ZCCHC8: variants seen among roughly 807,000 people sequenced by gnomAD.
ZCCHC8 encodes the protein zinc finger CCHC domain-containing protein 8.
ZCCHC8 carries 27 observed loss-of-function variants against 70.6 expected under a neutral mutation model. The observed-to-expected ratio is 0.38, with a 90% confidence interval of 0.28 to 0.53. ZCCHC8 has a LOEUF of 0.53. ZCCHC8 is among the 20% of genes least tolerant of loss of function. ZCCHC8 has a pLI of 0.81. For synonymous variants in ZCCHC8, 293 were observed against 317.4 expected, an observed-to-expected ratio of 0.92 and a Z score of 0.82; for missense variants, 737 against 876.9, an observed-to-expected ratio of 0.84 and a Z score of 2.01.
Position 122,481,604 on chromosome 12 carries a change from C to G in ZCCHC8, c.936G>C (p.Arg312=), listed in dbSNP as rs772906844. Residue 312 remains arginine, a synonymous_variant, in exon 10 of 14, where the codon CGG becomes CGC. Transcript: ENST00000633063. The part of the protein sequence containing the change: ...TDKSLPPFIY[R]MRQLGYPPGW... ...CTGGTGGGTACCCTAGCTGGCGCAT[C>G]CGATAGATAAAAGGTGGAAGACTCT... 60 of 1,613,796 alleles carry G rather than the reference C, an allele frequency of 3.7e-5. No homozygotes were observed. The Middle Eastern group carries it at 6.6e-4, about 18-fold the overall frequency.
At chr12:122,486,797 T>C (rs1273526292) in intron 5 of ZCCHC8, among the ~76,000 whole-genome samples, 1 of 152,190 alleles carries the variant, frequency 6.6e-6, no homozygotes, top group Non-Finnish European at 1.5e-5. Context: ...CTCCAACTCC[T>C]GACCTCAGGT....
intron 5 of ZCCHC8, among the ~76,000 whole-genome samples, chr12:122,488,930 T>C (rs1957693689): frequency 6.6e-6 from 1 of 151,664 alleles, no homozygotes. Flanking sequence ...GTATTAACAC[T>C]AACGAATTTT....
chr12:122,490,806 G>C, intron 3 of ZCCHC8: 1 of 313,012 alleles, frequency 3.2e-6, no homozygotes, highest in East Asian at 5.2e-5. Flanking sequence ...CTGCCAACCA[G>C]TTGTGCAAAG....
intron 11 of ZCCHC8, among the ~76,000 whole-genome samples, chr12:122,479,489 A>G (rs1957487825): frequency 6.6e-6 from 1 of 152,248 alleles, no homozygotes; most frequent in African/African-American, 2.4e-5. Flanking sequence ...AAAAAATGAG[A>G]AATTTTACTT....
rs764267873 is a variant in ZCCHC8, at chr12:122,489,407, T to C, written c.480A>G (p.Lys160=). ...TTACACTGAAAGCTTCCTTGTTGTT[T>C]TTAATGGCACAGGACTCTTCCACTT... ...DHKVEESCAI[K]NNKEAFSVVG... Residue 160 remains lysine (K), a synonymous_variant, in exon 5 of 14, where the codon AAA becomes AAG. Coordinates refer to ENST00000633063, the MANE Select transcript of ZCCHC8 (RefSeq NM_017612.5). The C allele has an allele frequency of 6.2e-7, 1 of 1,613,764 alleles. No homozygotes were observed. The highest frequency in any genetic ancestry group is 1.1e-5 in the South Asian group (1 of 91,040).
At position 122,481,853 on chromosome 12, in the gene ZCCHC8, C is replaced by G. The variant is rs565145884; in HGVS notation, c.875+92G>C. Reference sequence around the variant, plus strand: ...TTACCTAGGGCTTTGCCAGAGTACACTTATATCCTGATAATTAGCCCAAAG... The same window carrying G: ...TTACCTAGGGCTTTGCCAGAGTACAGTTATATCCTGATAATTAGCCCAAAG... On this transcript the variant is annotated intron_variant, in intron 9 of 13. Transcript: ENST00000633063. 1.9e-5 allele frequency: 28 copies of G among 1,493,822 alleles called. No homozygotes were observed. In the Middle Eastern group the frequency reaches 1.1e-3, roughly 56 times the overall value. The allele number at this position is 1,493,822 out of a possible 1,614,324, so 92.5% of individuals were successfully genotyped here.
At chr12:122,486,438 AGTC>A (rs1264213099) in intron 5 of ZCCHC8, among the ~76,000 whole-genome samples, 2 of 142,214 alleles carry the variant, frequency 1.4e-5, no homozygotes, top group East Asian at 4.4e-4. Flanking sequence ...AAAAAAAAAA[AGTC>A]AATTCATATC....
At chr12:122,484,223 G>A (rs1957592984) in intron 5 of ZCCHC8, 1 of 152,164 alleles carries the variant, frequency 6.6e-6, no homozygotes, top group Admixed American at 6.6e-5. Context: ...CTCCTGAGAA[G>A]CTGGGACCAC....
chr12:122,479,691 C>T (rs1957492550), intron 11 of ZCCHC8, among the ~76,000 whole-genome samples: 1 of 152,138 alleles, frequency 6.6e-6, no homozygotes. Flanking sequence ...TCTATTTTGG[C>T]TCCCTTTCTG....
Position 122,489,397 on chromosome 12 carries a change from C to T in ZCCHC8, c.490G>A (p.Glu164Lys), listed in dbSNP as rs775537278. The T allele has an allele frequency of 6.2e-7, 1 of 1,613,582 alleles. No homozygotes were observed. Among genetic ancestry groups the T allele is most frequent in the Non-Finnish European group, 8.5e-7 (1 of 1,179,700 alleles). ...ATGTCCAAACTTACACTGAAAGCTT[C>T]CTTGTTGTTTTTAATGGCACAGGAC... ...EESCAIKNNK[E>K]AFSVVGSVLY... The change falls in exon 5 of 14, where the codon GAA (glutamate) becomes AAA (lysine). Residue 164 changes from glutamate (E) to lysine (K), a missense_variant. Glu to Lys is a moderately conservative substitution (Grantham distance 56). Coordinates refer to ENST00000633063, the MANE Select transcript of ZCCHC8 (RefSeq NM_017612.5).
intron 13 of ZCCHC8, among the ~76,000 whole-genome samples, chr12:122,477,006 T>G (rs529395828): frequency 6.6e-6 from 1 of 150,674 alleles, no homozygotes; most frequent in Admixed American, 6.6e-5. Flanking sequence ...TGGGAGACAG[T>G]GAAACTCTGT....
At chr12:122,488,763 C>T (rs1294408794) in intron 5 of ZCCHC8, among the ~76,000 whole-genome samples, 2 of 150,538 alleles carry the variant, frequency 1.3e-5, no homozygotes, top group Admixed American at 1.3e-4. Flanking sequence ...CCCAGCTACT[C>T]GGGAAGCTGA....
Position 122,480,169 on chromosome 12 carries a change from TA to T in ZCCHC8, c.1140+20del. On this transcript the variant is annotated intron_variant, in intron 11 of 13. Coordinates refer to ENST00000633063, the MANE Select transcript of ZCCHC8 (RefSeq NM_017612.5). The stretch of plus-strand genomic sequence containing the variant: ...AATAATATCACATCACATGATAATT[TA>T]AAAAAATCAATATACTTACGTCTGG... 1.9e-6 allele frequency: 3 copies of T among 1,538,482 alleles called. No individual in the cohort carries two copies. The highest frequency in any genetic ancestry group is 2.7e-6 in the Non-Finnish European group (3 of 1,129,662).
chr12:122,495,560 G>C (rs916401179), intron 2 of ZCCHC8, among the ~76,000 whole-genome samples: 5 of 152,016 alleles, frequency 3.3e-5, no homozygotes, highest in East Asian at 1.9e-4. Flanking sequence ...ATTAAATAAA[G>C]AGGAGAGGCC....
intron 2 of ZCCHC8, among the ~76,000 whole-genome samples, chr12:122,496,406 A>C (rs1305371364): frequency 6.6e-6 from 1 of 152,170 alleles, no homozygotes; most frequent in African/African-American, 2.4e-5. Context: ...TAAACTGGCA[A>C]AGCCTATATG....
In ZCCHC8 at chr12:122,483,513, C is replaced by A; in HGVS notation, c.552G>T (p.Gly184=). The change falls in exon 6 of 14, where the codon GGG becomes GGT. Residue 184 remains glycine (G), a synonymous_variant. Transcript: ENST00000633063. This position sits in a 1 kb window ranked among gnomAD's most constrained non-coding sequence, Gnocchi z 4.4. ...YFTNFCLDKL[G]QPLLNENPQL... is the part of the protein sequence containing the mutation. ...GAGGGTTTTCATTTAGAAGCGGTTG[C>A]CCCAATTTATCAAGGCAAAAATTAG... 6.3e-7 allele frequency: 1 copy of A among 1,595,254 alleles called. No homozygotes were observed. Among genetic ancestry groups the A allele is most frequent in the Non-Finnish European group, 8.5e-7 (1 of 1,169,814 alleles).
Position 122,500,622 on chromosome 12 carries a change from C to T in ZCCHC8, c.199+20G>A, listed in dbSNP as rs1228013228. The stretch of plus-strand genomic sequence containing the variant: ...CGGCCCCACACCCGGGTGACAGGGC[C>T]CAGCGAGAGGAAAGGATATTCTCGG... On this transcript the variant is annotated intron_variant, in intron 1 of 13. Coordinates refer to ENST00000633063, the MANE Select transcript of ZCCHC8 (RefSeq NM_017612.5). The surrounding 1 kb of genome is among the most constrained non-coding windows in gnomAD (Gnocchi z 4.8). The T allele has an allele frequency of 6.5e-7, 1 of 1,550,256 alleles. No individual in the cohort carries two copies. The highest frequency in any genetic ancestry group is 1.4e-5 in the African/African-American group (1 of 73,624).
At position 122,500,342 on chromosome 12, in the gene ZCCHC8, T is replaced by C. The variant is rs764764865; in HGVS notation, c.199+300A>G. On this transcript the variant is annotated intron_variant, in intron 1 of 13. Transcript: ENST00000633063. The surrounding 1 kb of genome is among the most constrained non-coding windows in gnomAD (Gnocchi z 4.8). ...AGAGGGGGGCAATTAAGGGCTTGTG[T>C]ACAATCTGTCAGGTGAGCAGCCTAA... 5.8e-5 allele frequency: 23 copies of C among 398,114 alleles called. No homozygotes were observed. Among genetic ancestry groups the C allele is most frequent in the Non-Finnish European group, 9.6e-5 (21 of 218,946 alleles). 24.7% of individuals were successfully genotyped at this position (398,114 alleles called of 1,614,324 possible).
intron 3 of ZCCHC8, among the ~76,000 whole-genome samples, chr12:122,491,522 T>TC (rs1957742442): frequency 1.0e-5 from 1 of 99,866 alleles, no homozygotes; most frequent in Admixed American, 1.2e-4. Flanking sequence ...AGAGTGAAAC[T>TC]CCATCTCAAA....
Sources: allele counts gnomAD v4.1 joint callset (sites outside exome capture counted in the v4.1 genomes callset), GRCh38; gene constraint gnomAD v4.1.1; non-coding constraint Gnocchi (gnomAD v3.1); transcripts MANE v1.5; gene names NCBI Gene and HGNC (gene_info 2026-07-23, HGNC 2026-07-21).